The following RIPOR3 variants were observed in gnomAD, a reference collection of about 807,000 sequenced individuals.
The protein encoded by RIPOR3 is RIPOR family member 3, also known as family with sequence similarity 65 member C.
Under a neutral mutation model 114.3 loss-of-function variants are expected in RIPOR3, and 95 were observed. The ratio of observed to expected loss-of-function variants is 0.83; its 90% CI spans 0.70 to 0.99. The LOEUF is 0.99. Among genes scored for constraint, RIPOR3 ranks in the 50% least tolerant of loss-of-function variants. The pLI, the probability that RIPOR3 is intolerant of heterozygous loss-of-function variation, is 0.00. For synonymous variants in RIPOR3, 575 were observed against 543.8 expected, an observed-to-expected ratio of 1.06 and a Z score of -0.80; for missense variants, 1,252 against 1,266.9, an observed-to-expected ratio of 0.99 and a Z score of 0.18.
intron 1 of RIPOR3, among the ~76,000 whole-genome samples, chr20:50,683,098 T>C (rs1285506642): frequency 6.6e-6 from 1 of 152,198 alleles, no homozygotes. Flanking sequence ...CGCTGATAAT[T>C]GCCCAACATT....
At chr20:50,667,757 C>T (rs2086306149) in intron 1 of RIPOR3, among the ~76,000 whole-genome samples, 1 of 152,192 alleles carries the variant, frequency 6.6e-6, no homozygotes, top group South Asian at 2.1e-4. Context: ...TTCTCCCCTT[C>T]AGGAAACTGA....
At position 50,586,962 on chromosome 20, in the gene RIPOR3, T is replaced by C. The variant is rs2082940335; in HGVS notation, c.*270A>G. On this transcript the variant is annotated 3_prime_UTR_variant, in exon 22 of 22. Transcript: ENST00000327979. ...GCTCAGCTCTGCATCTCGGGGAAGG[T>C]CACACAGACCCTCAGCCAGAAGTTG... is the stretch of plus-strand genomic sequence containing the variant. 2 of 406,126 alleles carry C rather than the reference T, an allele frequency of 4.9e-6. No individual in the cohort carries two copies. Among genetic ancestry groups the C allele is most frequent in the East Asian group, 8.3e-5 (2 of 24,006 alleles). The allele number at this position is 406,126 out of a possible 1,614,324, so 25.2% of individuals were successfully genotyped here. A position where few individuals can be genotyped will look rare whatever the true frequency, so the allele number is the denominator to read the frequency against.
chr20:50,604,539 C>T (rs1370599777), intron 12 of RIPOR3, 106 bp downstream of exon 12: 11 of 1,439,334 alleles, frequency 7.6e-6, no homozygotes, highest in African/African-American at 1.5e-5. Context: ...AAGCTGAGCC[C>T]GAGGCTTGCC....
chr20:50,664,817 C>A (rs948433177), intron 1 of RIPOR3, among the ~76,000 whole-genome samples: 2 of 151,990 alleles, frequency 1.3e-5, no homozygotes, highest in Non-Finnish European at 2.9e-5. Flanking sequence ...AAAAAAGAAA[C>A]CCGGCTGGGC....
At chr20:50,663,925 CTTTT>C (rs11477745) in intron 1 of RIPOR3, among the ~76,000 whole-genome samples, 10 of 123,962 alleles carry the variant, frequency 8.1e-5, no homozygotes, top group Admixed American at 2.5e-4. Context: ...CTCTCTCTCT[CTTTT>C]TTTTTTTTTT....
intron 21 of RIPOR3, 117 bp from the exon 22 acceptor site, chr20:50,587,449 C>A: frequency 1.2e-6 from 1 of 839,048 alleles, no homozygotes. Context: ...CTCTGCAAAG[C>A]GGCAGGGGAG....
chr20:50,608,047 G>A (rs1288370364), intron 11 of RIPOR3, among the ~76,000 whole-genome samples: 1 of 152,066 alleles, frequency 6.6e-6, no homozygotes, highest in Non-Finnish European at 1.5e-5. Flanking sequence ...CCAGGAATGA[G>A]GGGGTGGGAG....
At chr20:50,590,040 T>C (rs560723233) in intron 19 of RIPOR3, 18 of 349,076 alleles carry the variant, frequency 5.2e-5, no homozygotes, top group Non-Finnish European at 8.9e-5. Context: ...AAGTGCATTC[T>C]GAAACTGCTG....
At chr20:50,596,316 CTG>C in intron 14 of RIPOR3, 53 bp from the exon 15 acceptor site, 2 of 1,608,836 alleles carry the variant, frequency 1.2e-6, no homozygotes, top group Non-Finnish European at 1.7e-6. Flanking sequence ...TCAGCTCCCT[CTG>C]AGGGTGGGGG....
chr20:50,622,285 G>C (rs186967672), intron 2 of RIPOR3, among the ~76,000 whole-genome samples: 1 of 151,392 alleles, frequency 6.6e-6, no homozygotes, highest in Non-Finnish European at 1.5e-5. Context: ...GGGTTCAAGC[G>C]ATTCTCCTGC....
In RIPOR3 at chr20:50,614,054, G is replaced by C. The variant is rs114591266; in HGVS notation, c.348+1948C>G. ...TCATTCATTCATTCATTCATTCATT[G>C]AAACAGAGTCTGGCTCTATCGTCCA... On this transcript the variant is annotated intron_variant, in intron 4 of 21. Transcript: ENST00000327979. 5.5e-3 allele frequency among the ~76,000 whole-genome samples: 826 copies of C among 150,850 alleles called. 14 individuals carry two copies. Among genetic ancestry groups the C allele is most frequent in the African/African-American group, 0.019 (766 of 40,756 alleles).
intron 14 of RIPOR3, 144 bp downstream of exon 14, chr20:50,597,436 G>A (rs2083331803): frequency 8.3e-7 from 1 of 1,210,234 alleles, no homozygotes; most frequent in Admixed American, 2.5e-5. Flanking sequence ...GGGATGGCAT[G>A]GGGAAGGGTG....
chr20:50,596,169 G>C lies in RIPOR3; in HGVS notation c.1885C>G (p.His629Asp), dbSNP rs1036057713. ...APELDVLLMV[H>D]LQVCKALLQK... ...AGCAGAGCTTTGCAGACTTGGAGGT[G>C]TACCATCAGCAGCACGTCCAGCTCT... The change falls in exon 15 of 22, where the codon CAC becomes GAC. Residue 629 changes from histidine to aspartate, a missense_variant. Transcript: ENST00000327979. 9 of 1,614,102 alleles carry C rather than the reference G, an allele frequency of 5.6e-6. No homozygotes were observed. The highest frequency in any genetic ancestry group is 7.6e-6 in the Non-Finnish European group (9 of 1,180,058).
chr20:50,636,481 C>T, intron 1 of RIPOR3: 1 of 924,320 alleles, frequency 1.1e-6, no homozygotes, highest in Non-Finnish European at 1.3e-6. Flanking sequence ...CTTAGGGCAG[C>T]CCTGGGTAAC....
At chr20:50,685,467 G>A (rs1225987378) in intron 1 of RIPOR3, among the ~76,000 whole-genome samples, 5 of 150,912 alleles carry the variant, frequency 3.3e-5, no homozygotes, top group South Asian at 2.1e-4. Flanking sequence ...CACGTGCCTC[G>A]GCCTCCCAAA....
chr20:50,655,683 G>A (rs887023452), intron 1 of RIPOR3, among the ~76,000 whole-genome samples: 5 of 149,870 alleles, frequency 3.3e-5, no homozygotes, highest in Non-Finnish European at 7.5e-5. Flanking sequence ...GTGTGTGTGT[G>A]TGTGTGTGTG....
At chr20:50,628,051 C>T (rs73272600) in intron 2 of RIPOR3, among the ~76,000 whole-genome samples, 5,937 of 152,288 alleles carry the variant, frequency 0.039, 414 homozygotes, top group African/African-American at 0.14. Flanking sequence ...GATTACAGAC[C>T]CCTGCAAGAA....
chr20:50,601,992 G>T, intron 13 of RIPOR3, 80 bp downstream of exon 13: 1 of 1,349,194 alleles, frequency 7.4e-7, no homozygotes, highest in Non-Finnish European at 9.8e-7. Flanking sequence ...GGCCCAGGCT[G>T]CGTGGCCCCA....
rs1287053834 is a variant in RIPOR3, at chr20:50,616,021, G to A, written c.329C>T (p.Thr110Ile). Residue 110 changes from threonine (T) to isoleucine (I), a missense_variant, in exon 4 of 22, where the codon ACC becomes ATC. By Grantham distance (89) the Thr-to-Ile change is moderately conservative. Transcript: ENST00000327979. Reference protein sequence around the residue: ...LDHLSGRHKDTRRNSRLAFYY... With the variant: ...LDHLSGRHKDIRRNSRLAFYY... ...TCTCACCAGCCTGGAATTCCTCCTG[G>A]TGTCTTTGTGGCGTCCAGACAGGTG... 1 of 1,610,000 alleles carries A rather than the reference G, an allele frequency of 6.2e-7. No homozygotes were observed. The highest frequency in any genetic ancestry group is 2.2e-5 in the East Asian group (1 of 44,854).
Sources: allele counts gnomAD v4.1 joint callset (sites outside exome capture counted in the v4.1 genomes callset), GRCh38; gene constraint gnomAD v4.1.1; transcripts MANE v1.5; gene names NCBI Gene and HGNC (gene_info 2026-07-23, HGNC 2026-07-21).